The following CFAP54 variants were observed in gnomAD, a reference collection of about 807,000 sequenced individuals.
CFAP54 encodes cilia- and flagella-associated protein 54.
In CFAP54, 290 loss-of-function variants were observed where a neutral mutation model predicts 370.4. That is an observed-to-expected ratio of 0.78 (90% confidence interval 0.71 to 0.86). The LOEUF (loss-of-function observed/expected upper bound fraction) is 0.86. Among genes scored for constraint, CFAP54 ranks in the 40% least tolerant of loss-of-function variants. The pLI is 0.00. For synonymous variants in CFAP54, 1,206 were observed against 1,236.5 expected (o/e 0.98, Z 0.52); for missense variants, 3,399 against 3,528.7 (o/e 0.96, Z 0.93).
rs970299597 is a variant in CFAP54, at chr12:96,534,026, A to G, written c.1540-36A>G. The G allele has an allele frequency of 4.7e-6, 7 of 1,499,974 alleles. No individual in the cohort carries two copies. In the African/African-American group the frequency reaches 9.9e-5, roughly 21 times the overall value. The allele number at this position is 1,499,974 out of a possible 1,614,324, so 92.9% of individuals were successfully genotyped here. A position where few individuals can be genotyped will look rare whatever the true frequency, so the allele number is the denominator to read the frequency against. On this transcript the variant is annotated intron_variant, in intron 10 of 67. Transcript: ENST00000524981. Reference sequence around the variant, plus strand: ...TTTTTTTTTTGTTAAAATGACATCCAATTACTAATTAACGTGTGGGATATA... The same window carrying G: ...TTTTTTTTTTGTTAAAATGACATCCGATTACTAATTAACGTGTGGGATATA...
At chr12:96,724,125 G>A (rs945083431) in intron 50 of CFAP54, among the ~76,000 whole-genome samples, 6 of 150,928 alleles carry the variant, frequency 4.0e-5, no homozygotes, top group Non-Finnish European at 7.4e-5. Flanking sequence ...GAATAGTGCC[G>A]CAATAAACAT....
At chr12:96,734,284 T>G (rs917927690) in intron 50 of CFAP54, among the ~76,000 whole-genome samples, 10 of 152,186 alleles carry the variant, frequency 6.6e-5, no homozygotes, top group African/African-American at 2.4e-4. Flanking sequence ...TTAATAATGA[T>G]AATAGCTAGC....
At chr12:96,645,257 G>C (rs987089641) in intron 33 of CFAP54, 2 of 416,334 alleles carry the variant, frequency 4.8e-6, no homozygotes, top group African/African-American at 2.0e-5. Flanking sequence ...CTATTAAAAA[G>C]ATACAAAATC....
At chr12:96,547,355 T>C (rs940956605) in intron 14 of CFAP54, among the ~76,000 whole-genome samples, 2 of 151,980 alleles carry the variant, frequency 1.3e-5, no homozygotes, top group Non-Finnish European at 2.9e-5. Context: ...CCTGGCTAAT[T>C]TTTGTATTTT....
chr12:96,557,917 G>T (rs1190143691), intron 17 of CFAP54, among the ~76,000 whole-genome samples: 1 of 151,994 alleles, frequency 6.6e-6, no homozygotes, highest in Non-Finnish European at 1.5e-5. Context: ...CATAAAGTCT[G>T]GAAACATAGA....
intron 33 of CFAP54, chr12:96,646,784 G>T (rs1238020313): frequency 6.6e-6 from 1 of 152,184 alleles, no homozygotes; most frequent in African/African-American, 2.4e-5. Context: ...AAAAAATGAT[G>T]AGTTCATGTC....
intron 19 of CFAP54, among the ~76,000 whole-genome samples, chr12:96,573,495 T>G (rs1190075733): frequency 1.3e-5 from 2 of 152,144 alleles, no homozygotes; most frequent in Non-Finnish European, 2.9e-5. Flanking sequence ...AAAGCTGCTC[T>G]GTTGTCTATG....
At chr12:96,648,470 T>A (rs1050383335) in intron 34 of CFAP54, among the ~76,000 whole-genome samples, 1 of 152,016 alleles carries the variant, frequency 6.6e-6, no homozygotes, top group Admixed American at 6.6e-5. Flanking sequence ...TGCCCTAGGA[T>A]TTCCAACCAG....
At chr12:96,825,296 T>G (rs1247849894) in intron 65 of CFAP54, among the ~76,000 whole-genome samples, 1 of 127,430 alleles carries the variant, frequency 7.8e-6, no homozygotes, top group Non-Finnish European at 1.6e-5. Flanking sequence ...TATAATATAA[T>G]ATATTATATA....
chr12:96,627,384 C>T (rs1956559338), intron 30 of CFAP54, among the ~76,000 whole-genome samples: 3 of 152,194 alleles, frequency 2.0e-5, no homozygotes, highest in Middle Eastern at 3.2e-3. Flanking sequence ...AAAGCTGCCC[C>T]TCTTATTCTC....
intron 14 of CFAP54, among the ~76,000 whole-genome samples, chr12:96,547,073 C>T (rs1355914675): frequency 5.3e-5 from 8 of 152,170 alleles, no homozygotes; most frequent in Non-Finnish European, 1.5e-5. Context: ...CTTATAACTT[C>T]TAAGAATGTT....
intron 33 of CFAP54, chr12:96,645,753 T>TA (rs1956781564): frequency 6.6e-6 from 1 of 152,118 alleles, no homozygotes; most frequent in South Asian, 2.1e-4. Flanking sequence ...AAAACAGAGA[T>TA]ATAGACAAAT....
At chr12:96,828,954 G>C in intron 65 of CFAP54, 60 bp from the exon 66 acceptor site, 2 of 798,282 alleles carry the variant, frequency 2.5e-6, no homozygotes, top group Non-Finnish European at 4.0e-6. Context: ...TAATTAAATA[G>C]GTAATATTTA....
chr12:96,547,861 C>A lies in CFAP54; in HGVS notation c.2078-41C>A, dbSNP rs569148465. 210 of 1,048,432 alleles carry A rather than the reference C, an allele frequency of 2.0e-4. 1 individual carries two copies. In the East Asian group the frequency reaches 2.1e-3, roughly 11 times the overall value. The allele number at this position is 1,048,432 out of a possible 1,614,324, so 64.9% of individuals were successfully genotyped here. ...TTTTTCATCTCCTCTTCTCCCTTCC[C>A]CTCCATCCTTCATTCCCTTCCTCCT... On this transcript the variant is annotated intron_variant, in intron 14 of 67. Coordinates refer to ENST00000524981, the MANE Select transcript of CFAP54 (RefSeq NM_001306084.2).
At chr12:96,563,473 G>T (rs183644634) in intron 17 of CFAP54, among the ~76,000 whole-genome samples, 181 of 152,168 alleles carry the variant, frequency 1.2e-3, no homozygotes, top group African/African-American at 3.9e-3. Context: ...GAATTTTTTT[G>T]CAGTCTCATC....
At chr12:96,500,781 T>C (rs970713862) in intron 1 of CFAP54, 53 bp from the exon 2 acceptor site, 5 of 1,283,720 alleles carry the variant, frequency 3.9e-6, no homozygotes, top group Non-Finnish European at 5.4e-6. Flanking sequence ...TGCAAATTAA[T>C]TGGGGTTTCC....
chr12:96,617,965 G>T (rs1956440333), intron 26 of CFAP54, among the ~76,000 whole-genome samples: 1 of 122,752 alleles, frequency 8.1e-6, no homozygotes, highest in East Asian at 2.2e-4. Context: ...ACTCCAGCCT[G>T]GGCAACAGAG....
intron 11 of CFAP54, 40 bp downstream of exon 11, chr12:96,534,267 G>A (rs773404809): frequency 7.1e-6 from 8 of 1,128,944 alleles, no homozygotes; most frequent in Admixed American, 2.5e-5. Context: ...TTAGTTTGAC[G>A]AAATATGCTC....
chr12:96,597,374 G>A (rs941811670), intron 25 of CFAP54, among the ~76,000 whole-genome samples: 5 of 151,820 alleles, frequency 3.3e-5, no homozygotes, highest in South Asian at 2.1e-4. Context: ...TGTTCTGGAG[G>A]ATGGTATCTC....
Sources: allele counts gnomAD v4.1 joint callset (sites outside exome capture counted in the v4.1 genomes callset), GRCh38; gene constraint gnomAD v4.1.1; transcripts MANE v1.5; gene names NCBI Gene and HGNC (gene_info 2026-07-23, HGNC 2026-07-21).